The following ESR1 variants were observed in gnomAD, a reference collection of about 807,000 sequenced individuals.
ESR1 encodes the protein estrogen receptor 1.
ESR1 carries 12 observed loss-of-function variants against 52.7 expected under a neutral mutation model. The observed-to-expected ratio is 0.23, with a 90% CI of 0.15 to 0.37. The LOEUF (loss-of-function observed/expected upper bound fraction) is 0.37. ESR1 is among the 10% of genes least tolerant of loss of function. ESR1 has a pLI of 1.00. For synonymous variants in ESR1, 305 were observed against 316.8 expected (o/e 0.96, Z 0.39); for missense variants, 584 against 779.7 (o/e 0.75, Z 2.99).
chr6:151,899,045 C>T (rs1233767925), intron 3 of ESR1, among the ~76,000 whole-genome samples: 1 of 149,146 alleles, frequency 6.7e-6, no homozygotes, highest in East Asian at 2.1e-4. Flanking sequence ...CCCCACCTCC[C>T]TCCCGGACGG....
At chr6:152,109,420 C>G (rs2051104857) in intron 6 of ESR1, among the ~76,000 whole-genome samples, 1 of 151,692 alleles carries the variant, frequency 6.6e-6, no homozygotes, top group South Asian at 2.1e-4. Flanking sequence ...AATCCCAGCA[C>G]TTTGAGAGGC....
chr6:152,084,830 C>T (rs3822990), intron 6 of ESR1, among the ~76,000 whole-genome samples: 18,928 of 152,058 alleles, frequency 0.12, 1,497 homozygotes, highest in East Asian at 0.33. Flanking sequence ...TCATTTATTC[C>T]GTGGTGAGAA....
chr6:151,779,561 CAT>C (rs1428060672), intron 2 of ESR1, among the ~76,000 whole-genome samples: 1 of 152,020 alleles, frequency 6.6e-6, no homozygotes, highest in African/African-American at 2.4e-5. Flanking sequence ...AATAGGAACA[CAT>C]ATACTGTTGG....
chr6:152,016,015 G>A (rs1006223402), intron 5 of ESR1, among the ~76,000 whole-genome samples: 2 of 152,082 alleles, frequency 1.3e-5, no homozygotes, highest in Non-Finnish European at 2.9e-5. Flanking sequence ...GTCAAGGGTG[G>A]GGCCAGGTGG....
chr6:151,684,893 G>A (rs1031010009), intron 1 of ESR1, among the ~76,000 whole-genome samples: 1 of 152,104 alleles, frequency 6.6e-6, no homozygotes, highest in Non-Finnish European at 1.5e-5. Flanking sequence ...TTGCAAACGG[G>A]AAGCCTCAAG....
chr6:151,886,724 C>G (rs1793904551), intron 3 of ESR1, among the ~76,000 whole-genome samples: 1 of 152,066 alleles, frequency 6.6e-6, no homozygotes, highest in African/African-American at 2.4e-5. Flanking sequence ...CTCTTTAATC[C>G]TACATTGGCT....
At chr6:151,758,221 A>G (rs1784419377) in intron 2 of ESR1, among the ~76,000 whole-genome samples, 1 of 152,222 alleles carries the variant, frequency 6.6e-6, no homozygotes, top group African/African-American at 2.4e-5. Context: ...GATGCTAAGA[A>G]GCAAATTACT....
At chr6:151,902,815 A>C (rs913343880) in intron 3 of ESR1, among the ~76,000 whole-genome samples, 1 of 152,228 alleles carries the variant, frequency 6.6e-6, no homozygotes, top group Non-Finnish European at 1.5e-5. Flanking sequence ...AATTTTTCCC[A>C]CAAGGATTTA....
chr6:151,794,364 C>A (rs1407899552), intron 2 of ESR1, among the ~76,000 whole-genome samples: 2 of 152,166 alleles, frequency 1.3e-5, no homozygotes, highest in African/African-American at 2.4e-5. Flanking sequence ...ATGGCTTCAA[C>A]TCTACTGATA....
intron 5 of ESR1, among the ~76,000 whole-genome samples, chr6:152,040,816 A>G (rs2045726060): frequency 6.6e-6 from 1 of 152,186 alleles, no homozygotes; most frequent in South Asian, 2.1e-4. Flanking sequence ...CCATGAGGCC[A>G]TCAGTGCAGG....
At chr6:151,794,961 C>G (rs1176927471) in intron 2 of ESR1, among the ~76,000 whole-genome samples, 5 of 152,150 alleles carry the variant, frequency 3.3e-5, no homozygotes, top group Admixed American at 3.3e-4. Flanking sequence ...ATCACACTCT[C>G]AGTACCTTTC....
At position 151,777,582 on chromosome 6, in the gene ESR1, G is replaced by A. The variant is rs182964397; in HGVS notation, c.-70-30261G>A. 5.7e-3 allele frequency among the ~76,000 whole-genome samples: 873 copies of A among 152,258 alleles called. 4 individuals carry two copies. Among genetic ancestry groups the A allele is most frequent in the Non-Finnish European group, 9.1e-3 (618 of 68,014 alleles). Reference sequence around the variant, plus strand: ...GGTTAAAAAGGTTAATGTAAGAAGGGTCATGTGGGGACTGGAAATCACAAT... The same window carrying A: ...GGTTAAAAAGGTTAATGTAAGAAGGATCATGTGGGGACTGGAAATCACAAT... On this transcript the variant is annotated intron_variant, in intron 2 of 2. Coordinates refer to the ESR1 transcript ENST00000404742.
At chr6:151,947,026 A>T (rs2035777600) in intron 4 of ESR1, among the ~76,000 whole-genome samples, 1 of 152,362 alleles carries the variant, frequency 6.6e-6, no homozygotes, top group South Asian at 2.1e-4. Context: ...AAGTTTTAAA[A>T]GAGGAAATAA....
chr6:152,028,431 G>A lies in ESR1; in HGVS notation c.1235+16637G>A, dbSNP rs564753571. Among the ~76,000 whole-genome samples, 3 of 152,240 alleles carry A rather than the reference G, an allele frequency of 2.0e-5. No homozygotes were observed. In the South Asian group the frequency reaches 6.2e-4, roughly 32 times the overall value. On this transcript the variant is annotated intron_variant, in intron 5 of 7. Coordinates refer to ENST00000206249, the MANE Select transcript of ESR1 (RefSeq NM_000125.4). ...GGTGACAGACGGCACCTGGAAAATCGGGTCACTCCCACCCTAATACTGGGC... is the reference window on the plus strand; with the variant it reads ...GGTGACAGACGGCACCTGGAAAATCAGGTCACTCCCACCCTAATACTGGGC...
At chr6:151,820,193 C>T (rs1403080431) in intron 1 of ESR1, among the ~76,000 whole-genome samples, 2 of 152,136 alleles carry the variant, frequency 1.3e-5, no homozygotes, top group Non-Finnish European at 2.9e-5. Flanking sequence ...AGGATTTAGC[C>T]AGACAAAGAA....
At chr6:151,685,732 G>A (rs1169027399), upstream of ESR1, among the ~76,000 whole-genome samples, 2 of 152,102 alleles carry the variant, frequency 1.3e-5, no homozygotes, top group African/African-American at 4.8e-5. Context: ...TGCTTCCTTT[G>A]TCACTCCTGT....
At chr6:151,733,496 C>T (rs1377881926) in intron 2 of ESR1, among the ~76,000 whole-genome samples, 4 of 152,080 alleles carry the variant, frequency 2.6e-5, no homozygotes, top group Admixed American at 2.0e-4. Flanking sequence ...TCTTCCTCTT[C>T]CTCCTCATCA....
intron 2 of ESR1, among the ~76,000 whole-genome samples, chr6:151,757,158 T>C (rs1784352832): frequency 6.6e-6 from 1 of 152,002 alleles, no homozygotes; most frequent in African/African-American, 2.4e-5. Flanking sequence ...ACTCAGTGGG[T>C]CCTGTTACCT....
intron 2 of ESR1, among the ~76,000 whole-genome samples, chr6:151,776,854 GGAAAA>G (rs1000405244): frequency 1.7e-4 from 25 of 150,934 alleles, no homozygotes; most frequent in Non-Finnish European, 2.7e-4. Context: ...AAAAAAAAAA[GGAAAA>G]GAAAAGAAAA....
Sources: gnomAD v4.1 joint callset for allele counts (sites outside exome capture counted in the v4.1 genomes callset) on GRCh38, gnomAD v4.1.1 for gene constraint, MANE v1.5 for transcripts, NCBI Gene and HGNC (gene_info 2026-07-23, HGNC 2026-07-21) for gene names.